Variants in TLX1 observed in about 807,000 individuals in gnomAD.
TLX1 encodes the protein T cell leukemia homeobox 1, also known as T-cell leukemia homeobox protein 1.
Under a neutral mutation model 26.5 loss-of-function variants are expected in TLX1, and 6 were observed. That is an observed-to-expected ratio of 0.23 (90% CI 0.12 to 0.45). The LOEUF (loss-of-function observed/expected upper bound fraction) is 0.45. Ranked by LOEUF, TLX1 falls within the 20% of genes least tolerant of loss-of-function variation. TLX1 has a pLI of 0.99. For synonymous variants in TLX1, 217 were observed against 219.7 expected (o/e 0.99, Z 0.11); for missense variants, 418 against 482.6 (o/e 0.87, Z 1.25).
Position 101,137,039 on chromosome 10 carries a change from G to A in TLX1, c.*126G>A. 13 of 1,202,436 alleles carry A rather than the reference G, an allele frequency of 1.1e-5. No individual in the cohort carries two copies. Among genetic ancestry groups the A allele is most frequent in the Non-Finnish European group, 1.5e-5 (13 of 876,716 alleles). The allele number at this position is 1,202,436 out of a possible 1,614,324, so 74.5% of individuals were successfully genotyped here. A position where few individuals can be genotyped will look rare whatever the true frequency, so the allele number is the denominator to read the frequency against. ...AGGAGGGGAACACTGCCCTCGCACG[G>A]CCCCGAAGGGCCCCCACATTTGTGC... is the stretch of plus-strand genomic sequence containing the variant. On this transcript the variant is annotated 3_prime_UTR_variant, in exon 3 of 3. Coordinates refer to ENST00000370196, the MANE Select transcript of TLX1 (RefSeq NM_005521.4).
At chr10:101,134,461 T>C (rs1940246960) in intron 2 of TLX1, 85 bp downstream of exon 2, 41 of 1,366,980 alleles carry the variant, frequency 3.0e-5, no homozygotes, top group Middle Eastern at 2.0e-4. Context: ...GGGGCGCACA[T>C]ACTTTTTCCG....
intron 2 of TLX1, among the ~76,000 whole-genome samples, chr10:101,135,981 C>T (rs926306059): frequency 1.3e-5 from 2 of 152,220 alleles, no homozygotes; most frequent in East Asian, 3.9e-4. Context: ...GCAGGCTTCG[C>T]ATGGCTTCAT....
intron 2 of TLX1, 64 bp from the exon 3 acceptor site, chr10:101,136,627 G>T (rs1940299300): frequency 6.2e-7 from 1 of 1,611,708 alleles, no homozygotes; most frequent in South Asian, 1.1e-5. Context: ...AACGCACCAG[G>T]AGTTGGGCAC....
Position 101,132,155 on chromosome 10 carries a change from C to T in TLX1, c.568+46C>T. The T allele has an allele frequency of 7.6e-7, 1 of 1,311,372 alleles. No individual in the cohort carries two copies. Among genetic ancestry groups the T allele is most frequent in the Non-Finnish European group, 9.7e-7 (1 of 1,032,322 alleles). 81.2% of individuals were successfully genotyped at this position (1,311,372 alleles called of 1,614,324 possible). On this transcript the variant is annotated intron_variant, in intron 1 of 2. Coordinates refer to ENST00000370196, the MANE Select transcript of TLX1 (RefSeq NM_005521.4). This position sits in a 1 kb window ranked among gnomAD's most constrained non-coding sequence, Gnocchi z 4.1. ...CCCCGCCTGGCCGCGGCCCGGGCTC[C>T]GTGCTACCCCTGCCCCGCCGGGTGG...
At chr10:101,135,000 A>T (rs1940263353) in intron 2 of TLX1, among the ~76,000 whole-genome samples, 1 of 152,220 alleles carries the variant, frequency 6.6e-6, no homozygotes, top group South Asian at 2.1e-4. Flanking sequence ...GGTGTGTGTG[A>T]GAAAGAGAAT....
At chr10:101,134,034 G>T in intron 1 of TLX1, 141 bp from the exon 2 acceptor site, 2 of 765,578 alleles carry the variant, frequency 2.6e-6, no homozygotes, top group Non-Finnish European at 4.1e-6. Context: ...GGCCCTGCTC[G>T]TGGGGGTTCA....
intron 2 of TLX1, among the ~76,000 whole-genome samples, chr10:101,136,129 C>T (rs1457688591): frequency 6.6e-6 from 1 of 152,260 alleles, no homozygotes; most frequent in Non-Finnish European, 1.5e-5. Flanking sequence ...CCTCCCTGAA[C>T]TGCCTCAGAG....
Position 101,137,286 on chromosome 10 carries a change from T to G in TLX1, c.*373T>G. The stretch of plus-strand genomic sequence containing the variant: ...ATCTGAATTTGCCCTGGGAAACCCC[T>G]TCTCTGTGACCCACTTCTCATCACA... On this transcript the variant is annotated 3_prime_UTR_variant, in exon 3 of 3. Coordinates refer to ENST00000370196, the MANE Select transcript of TLX1 (RefSeq NM_005521.4). 3.0e-6 allele frequency: 1 copy of G among 336,556 alleles called. No homozygotes were observed. 20.8% of individuals were successfully genotyped at this position (336,556 alleles called of 1,614,324 possible).
At position 101,134,052 on chromosome 10, in the gene TLX1, C is replaced by T. The variant is rs935242766; in HGVS notation, c.569-123C>T. On this transcript the variant is annotated intron_variant, in intron 1 of 2. Coordinates refer to ENST00000370196, the MANE Select transcript of TLX1 (RefSeq NM_005521.4). ...CCTGCTCGTGGGGGTTCAGCTGCTG[C>T]GCTCGCTGACTCGCGGGGTGTTGGG... is the stretch of plus-strand genomic sequence containing the variant. 45 of 904,544 alleles carry T rather than the reference C, an allele frequency of 5.0e-5. 1 individual carries two copies. The South Asian group carries it at 6.8e-4, about 14-fold the overall frequency. 56.0% of individuals were successfully genotyped at this position (904,544 alleles called of 1,614,324 possible). A position where few individuals can be genotyped will look rare whatever the true frequency, so the allele number is the denominator to read the frequency against.
intron 1 of TLX1, among the ~76,000 whole-genome samples, chr10:101,133,767 C>T (rs1940229047): frequency 6.6e-6 from 1 of 152,242 alleles, no homozygotes. Context: ...GATGGAGGCT[C>T]AGGTCGGGTT....
Position 101,135,671 on chromosome 10 carries a change from G to A in TLX1, c.771-1020G>A, listed in dbSNP as rs544480212. Among the ~76,000 whole-genome samples the A allele has an allele frequency of 2.6e-5, 4 of 152,040 alleles. No homozygotes were observed. In the East Asian group the frequency reaches 5.8e-4, roughly 22 times the overall value. ...AGAGGTGGAGAGGGATAGGGACCCC[G>A]CTCAAGGAAAAAAAAGGAGAAAAAC... On this transcript the variant is annotated intron_variant, in intron 2 of 2. Coordinates refer to ENST00000370196, the MANE Select transcript of TLX1 (RefSeq NM_005521.4).
In TLX1 at chr10:101,131,557, C is replaced by T; in HGVS notation, c.16C>T (p.Pro6Ser). 1 of 1,515,922 alleles carries T rather than the reference C, an allele frequency of 6.6e-7. No individual in the cohort carries two copies. The highest frequency in any genetic ancestry group is 8.8e-7 in the Non-Finnish European group (1 of 1,138,870). The allele number at this position is 1,515,922 out of a possible 1,614,324, so 93.9% of individuals were successfully genotyped here. Residue 6 changes from proline (P) to serine (S), a missense_variant, in exon 1 of 3, where the codon CCG becomes TCG. Pro to Ser is a moderately conservative substitution (Grantham distance 74). Coordinates refer to ENST00000370196, the MANE Select transcript of TLX1 (RefSeq NM_005521.4). Reference protein sequence around the residue: MEHLGPHHLHPGHAEP... With the variant: MEHLGSHHLHPGHAEP... The stretch of plus-strand genomic sequence containing the variant: ...CAGGGCCAGCATGGAGCACCTGGGT[C>T]CGCACCACCTCCACCCGGGTCACGC...
chr10:101,133,620 G>C (rs1940226672), intron 1 of TLX1, among the ~76,000 whole-genome samples: 2 of 152,262 alleles, frequency 1.3e-5, no homozygotes, highest in African/African-American at 4.8e-5. Flanking sequence ...GGCGGTTTCA[G>C]CGAGTGTATG....
At position 101,134,079 on chromosome 10, in the gene TLX1, C is replaced by T. The variant is rs1031241703; in HGVS notation, c.569-96C>T. 14 of 1,238,972 alleles carry T rather than the reference C, an allele frequency of 1.1e-5. No homozygotes were observed. The African/African-American group carries it at 1.7e-4, about 15-fold the overall frequency. The allele number at this position is 1,238,972 out of a possible 1,614,324, so 76.7% of individuals were successfully genotyped here. On this transcript the variant is annotated intron_variant, in intron 1 of 2. Coordinates refer to ENST00000370196, the MANE Select transcript of TLX1 (RefSeq NM_005521.4). ...CTCGCTGACTCGCGGGGTGTTGGGCCTGGGACGCTTCCTGACGCTCTGCTG... is the reference window on the plus strand; with the variant it reads ...CTCGCTGACTCGCGGGGTGTTGGGCTTGGGACGCTTCCTGACGCTCTGCTG...
chr10:101,136,284 T>G (rs893541898), intron 2 of TLX1, among the ~76,000 whole-genome samples: 7 of 152,162 alleles, frequency 4.6e-5, no homozygotes, highest in African/African-American at 1.7e-4. Flanking sequence ...CTCTCTGCCC[T>G]GGACTTGTGG....
chr10:101,135,172 ACGCTGCACCC>A (rs1564677103), intron 2 of TLX1, among the ~76,000 whole-genome samples: 681 of 17,394 alleles, frequency 0.039, 4 homozygotes, highest in African/African-American at 0.1. Flanking sequence ...ACCCTCTGGC[ACGCTGCACCC>A]TCTGGCACGC....
intron 2 of TLX1, 41 bp downstream of exon 2, chr10:101,134,417 G>C: frequency 6.7e-7 from 1 of 1,494,360 alleles, no homozygotes; most frequent in Admixed American, 2.5e-5. Context: ...GAGCGGCGCG[G>C]TCTCAGGCAG....
intron 2 of TLX1, among the ~76,000 whole-genome samples, chr10:101,136,153 C>T (rs898368885): frequency 1.2e-4 from 18 of 152,248 alleles, no homozygotes; most frequent in African/African-American, 4.8e-5. Context: ...GCCAGTGGGT[C>T]CAGCAGGAGC....
rs917107167 is a variant in TLX1, at chr10:101,131,769, T to G, written c.228T>G (p.Thr76=). 7.2e-7 allele frequency: 1 copy of G among 1,395,546 alleles called. No individual in the cohort carries two copies. The highest frequency in any genetic ancestry group is 9.3e-7 in the Non-Finnish European group (1 of 1,080,974). The allele number at this position is 1,395,546 out of a possible 1,614,324, so 86.4% of individuals were successfully genotyped here. The change falls in exon 1 of 3, where the codon ACT becomes ACG. Residue 76 remains threonine (T), a synonymous_variant. Coordinates refer to ENST00000370196, the MANE Select transcript of TLX1 (RefSeq NM_005521.4). ...CTGGAGGAGCGGGGGCCTATGGTAC[T>G]GGAGGTCCCGGCGGCCCCGGAGGCC... ...TGAGGAGAYG[T]GGPGGPGGPA... is the part of the protein sequence containing the mutation.
Sources: gnomAD v4.1 joint callset for allele counts (sites outside exome capture counted in the v4.1 genomes callset) on GRCh38, gnomAD v4.1.1 for gene constraint, Gnocchi (gnomAD v3.1) non-coding constraint, MANE v1.5 for transcripts, NCBI Gene and HGNC (gene_info 2026-07-23, HGNC 2026-07-21) for gene names.